Variants in ITGA9 observed in about 807,000 individuals in gnomAD.
The protein encoded by ITGA9 is integrin subunit alpha 9, also known as integrin alpha-9.
ITGA9 carries 56 observed loss-of-function variants against 127.8 expected under a neutral mutation model. That is an observed-to-expected ratio of 0.44 (90% confidence interval 0.35 to 0.55). The LOEUF (loss-of-function observed/expected upper bound fraction) is 0.55. Ranked by LOEUF, ITGA9 falls within the 20% of genes least tolerant of loss-of-function variation. ITGA9 has a pLI of 0.00. For missense variants in ITGA9, 1,196 were observed against 1,347.1 expected, an observed-to-expected ratio of 0.89 and a Z score of 1.76; for synonymous variants, 508 against 514.5, an observed-to-expected ratio of 0.99 and a Z score of 0.17.
intron 26 of ITGA9, among the ~76,000 whole-genome samples, chr3:37,791,557 A>G (rs748980915): frequency 1.3e-5 from 2 of 152,224 alleles, no homozygotes; most frequent in Non-Finnish European, 2.9e-5. Flanking sequence ...TGTCCTGGAC[A>G]CTGGACACAG....
intron 12 of ITGA9, 108 bp from the exon 13 acceptor site, chr3:37,525,918 G>C (rs1699088210): frequency 2.3e-6 from 2 of 867,656 alleles, no homozygotes; most frequent in Admixed American, 3.5e-5. Context: ...TCGTCTGAGG[G>C]CTCTCCGGCC....
chr3:37,528,023 G>C (rs1039529646), intron 13 of ITGA9, among the ~76,000 whole-genome samples: 1 of 152,076 alleles, frequency 6.6e-6, no homozygotes, highest in Admixed American at 6.6e-5. Context: ...CTGACCTCGT[G>C]ATCTGCCCAC....
intron 22 of ITGA9, chr3:37,745,480 G>C (rs1056910160): frequency 3.9e-5 from 6 of 152,192 alleles, no homozygotes; most frequent in African/African-American, 1.4e-4. Flanking sequence ...TCGTAATTGG[G>C]TAGGAAATAG....
At chr3:37,506,279 T>C (rs2125572057) in intron 7 of ITGA9, among the ~76,000 whole-genome samples, 194 bp downstream of exon 7, 1 of 152,206 alleles carries the variant, frequency 6.6e-6, no homozygotes, top group South Asian at 2.1e-4. Context: ...AGTGTGAGTA[T>C]ACTCACACTC....
At chr3:37,530,741 T>G (rs1261500923) in intron 13 of ITGA9, among the ~76,000 whole-genome samples, 1 of 19,280 alleles carries the variant, frequency 5.2e-5, no homozygotes, top group Non-Finnish European at 1.1e-4. Flanking sequence ...TTTTTTTTTT[T>G]TTTTTTTTTT....
chr3:37,817,659 C>T (rs1697452108), intron 27 of ITGA9, among the ~76,000 whole-genome samples: 1 of 152,098 alleles, frequency 6.6e-6, no homozygotes, highest in Admixed American at 6.5e-5. Context: ...ATAAACAGAG[C>T]CCACCAATGT....
chr3:37,537,341 C>CG lies in ITGA9; in HGVS notation c.1528+3873_1528+3874insG, dbSNP rs397816799. The stretch of plus-strand genomic sequence containing the variant: ...AGGAAGGAGCGAGTTCCTTTGCCCT[C>CG]TCCAGCCTTGCAGGCTCCCTCCGAT... On this transcript the variant is annotated intron_variant, in intron 14 of 27. Transcript: ENST00000264741. 4.5e-4 allele frequency among the ~76,000 whole-genome samples: 13 copies of CG among 28,982 alleles called. No homozygotes were observed. The South Asian group carries it at 7.4e-3, about 16-fold the overall frequency. 19.0% of individuals were successfully genotyped at this position (28,982 alleles called of 152,430 possible).
At chr3:37,524,565 G>A (rs548803691) in intron 12 of ITGA9, among the ~76,000 whole-genome samples, 1 of 152,328 alleles carries the variant, frequency 6.6e-6, no homozygotes, top group East Asian at 1.9e-4. Flanking sequence ...TGAGAAAGCA[G>A]TTCTTGTTCT....
At chr3:37,528,586 A>G (rs535003318) in intron 13 of ITGA9, among the ~76,000 whole-genome samples, 1 of 152,204 alleles carries the variant, frequency 6.6e-6, no homozygotes, top group Non-Finnish European at 1.5e-5. Flanking sequence ...GCAGCCATGC[A>G]TCAGATCCTG....
intron 3 of ITGA9, among the ~76,000 whole-genome samples, chr3:37,477,895 A>AGT (rs916664231): frequency 1.3e-5 from 2 of 150,514 alleles, no homozygotes; most frequent in Non-Finnish European, 3.0e-5. Context: ...TTATCTGTTC[A>AGT]GTGCTTCCCA....
intron 10 of ITGA9, 125 bp downstream of exon 10, chr3:37,517,734 C>T (rs1270803413): frequency 1.3e-5 from 10 of 744,374 alleles, no homozygotes; most frequent in African/African-American, 3.5e-5. Context: ...TGATCCCCTT[C>T]GAAGGCCCAT....
At chr3:37,711,591 A>ATGG (rs1372014795) in intron 18 of ITGA9, among the ~76,000 whole-genome samples, 1 of 151,998 alleles carries the variant, frequency 6.6e-6, no homozygotes, top group Non-Finnish European at 1.5e-5. Flanking sequence ...TTTCGTAGAG[A>ATGG]TGGTGTCTTG....
intron 13 of ITGA9, among the ~76,000 whole-genome samples, chr3:37,532,342 G>C (rs1415533786): frequency 6.6e-6 from 1 of 152,210 alleles, no homozygotes; most frequent in African/African-American, 2.4e-5. Flanking sequence ...ATTGGAGTTG[G>C]TGTGGGTCAT....
chr3:37,542,685 C>A, intron 15 of ITGA9, 100 bp downstream of exon 15: 1 of 1,276,588 alleles, frequency 7.8e-7, no homozygotes, highest in South Asian at 1.3e-5. Flanking sequence ...GTGTGCTCTT[C>A]CAAAATTTTA....
intron 15 of ITGA9, among the ~76,000 whole-genome samples, chr3:37,615,717 G>A (rs1460339192): frequency 1.3e-5 from 2 of 151,986 alleles, no homozygotes; most frequent in African/African-American, 2.4e-5. Context: ...GTCGAGGAAT[G>A]TATCCATTTC....
chr3:37,508,536 ATTT>A lies in ITGA9; in HGVS notation c.829-13_829-11del. 3.3e-6 allele frequency: 4 copies of A among 1,202,948 alleles called. No homozygotes were observed. The highest frequency in any genetic ancestry group is 3.5e-6 in the Non-Finnish European group (3 of 866,106). 74.5% of individuals were successfully genotyped at this position (1,202,948 alleles called of 1,614,324 possible). On this transcript the variant is annotated intron_variant, in intron 7 of 27. Transcript: ENST00000264741. ...TGATCATTGATTTCATCCTAACTAG[ATTT>A]TTTTTTTTTCATTCCATAGGTTTAT... is the stretch of plus-strand genomic sequence containing the variant.
rs560505014 is a variant in ITGA9, at chr3:37,653,646, A to C, written c.1840-68A>C. 52 of 1,108,940 alleles carry C rather than the reference A, an allele frequency of 4.7e-5. No homozygotes were observed. In the African/African-American group the frequency reaches 6.3e-4, roughly 14 times the overall value. The allele number at this position is 1,108,940 out of a possible 1,614,324, so 68.7% of individuals were successfully genotyped here. A position where few individuals can be genotyped will look rare whatever the true frequency, so the allele number is the denominator to read the frequency against. ...AATTCCCACTGATTTGCAAGAAAGG[A>C]ATTGGCCACTGTGTACTCGTTTGCC... On this transcript the variant is annotated intron_variant, in intron 16 of 27. Coordinates refer to ENST00000264741, the MANE Select transcript of ITGA9 (RefSeq NM_002207.3).
chr3:37,585,710 T>TA (rs1434829303), intron 15 of ITGA9: 3 of 498,102 alleles, frequency 6.0e-6, no homozygotes, highest in Non-Finnish European at 1.2e-5. Flanking sequence ...GTAATTGCCT[T>TA]ACTTTATTTG....
rs146718019 is a variant in ITGA9, at chr3:37,587,229, TG to T, written c.1690-41956del. ...ATGCCCCAGGACAGAGATTAGGCTA[TG>T]GTGGGCATTTGAGACCTTAGGGCCA... On this transcript the variant is annotated intron_variant, in intron 15 of 27. Coordinates refer to ENST00000264741, the MANE Select transcript of ITGA9 (RefSeq NM_002207.3). 3.2e-3 allele frequency among the ~76,000 whole-genome samples: 489 copies of T among 152,332 alleles called. 1 individual carries two copies. Among genetic ancestry groups the T allele is most frequent in the African/African-American group, 0.011 (460 of 41,568 alleles).
Sources: gnomAD v4.1 joint callset for allele counts (sites outside exome capture counted in the v4.1 genomes callset) on GRCh38, gnomAD v4.1.1 for gene constraint, MANE v1.5 for transcripts, NCBI Gene and HGNC (gene_info 2026-07-23, HGNC 2026-07-21) for gene names.